Variants in DPF2 observed in about 807,000 individuals in gnomAD.
DPF2 encodes the protein double PHD fingers 2, also known as zinc finger protein ubi-d4.
In DPF2, 10 loss-of-function variants were observed where a neutral mutation model predicts 59.6. The ratio of observed to expected loss-of-function variants is 0.17; its 90% CI spans 0.10 to 0.28. The LOEUF is 0.28. Among genes scored for constraint, DPF2 ranks in the 10% least tolerant of loss-of-function variants. The pLI is 1.00. For missense variants in DPF2, 315 were observed against 509.4 expected (o/e 0.62, Z 3.67); for synonymous variants, 189 against 190.6 (o/e 0.99, Z 0.07).
In DPF2 at chr11:65,352,507, G is replaced by T. The variant is rs1029479801; in HGVS notation, c.*748G>T. On this transcript the variant is annotated 3_prime_UTR_variant, in exon 11 of 11. Transcript: ENST00000528416. ...CTTCCTACTCCTTTTGGTTTTGTGG[G>T]GAGAGGGGAAGGATCAGGGGGCCAG... 1 of 152,626 alleles carries T rather than the reference G, an allele frequency of 6.6e-6. No homozygotes were observed. The highest frequency in any genetic ancestry group is 1.5e-5 in the Non-Finnish European group (1 of 68,104). 9.5% of individuals were successfully genotyped at this position (152,626 alleles called of 1,614,324 possible). A position where few individuals can be genotyped will look rare whatever the true frequency, so the allele number is the denominator to read the frequency against.
At position 65,340,432 on chromosome 11, in the gene DPF2, A is replaced by G; in HGVS notation, c.80A>G (p.Tyr27Cys). Residue 27 changes from tyrosine to cysteine, a missense_variant, in exon 2 of 11, where the codon TAC becomes TGC. Around this residue, in one of 4 missense-constraint regions of DPF2, gnomAD observed 228 missense variants for 275.3 expected, o/e 0.83. Coordinates refer to ENST00000528416, the MANE Select transcript of DPF2 (RefSeq NM_006268.5). ...GATGCCATGGAGCAGTGCCACAATT[A>G]CAATGCTCGCCTCTGTGCTGAGCGC... Reference protein sequence around the residue: ...YKDAMEQCHNYNARLCAERSV... With the variant: ...YKDAMEQCHNCNARLCAERSV... The G allele has an allele frequency of 6.2e-7, 1 of 1,614,266 alleles. No individual in the cohort carries two copies.
At chr11:65,337,500 T>TAGAGAGAG (rs1483370415) in intron 1 of DPF2, among the ~76,000 whole-genome samples, 14 of 40,276 alleles carry the variant, frequency 3.5e-4, no homozygotes, top group African/African-American at 4.1e-4. Context: ...TATATATATA[T>TAGAGAGAG]ATATAGAGAG....
chr11:65,350,447 T>A (rs903369146), intron 10 of DPF2, among the ~76,000 whole-genome samples: 6 of 148,554 alleles, frequency 4.0e-5, no homozygotes, highest in Non-Finnish European at 7.4e-5. Flanking sequence ...TGATCTCAGC[T>A]CACTGCAACC....
rs1432426306 is a variant in DPF2 at position 65,353,235 on chromosome 11, T to C, written c.*1476T>C. The C allele has an allele frequency of 3.3e-5, 5 of 152,206 alleles. No individual in the cohort carries two copies. In the East Asian group the frequency reaches 7.7e-4, roughly 23 times the overall value. The allele number at this position is 152,206 out of a possible 1,614,324, so 9.4% of individuals were successfully genotyped here. On this transcript the variant is annotated 3_prime_UTR_variant, in exon 11 of 11. Coordinates refer to ENST00000528416, the MANE Select transcript of DPF2 (RefSeq NM_006268.5). The stretch of plus-strand genomic sequence containing the variant: ...GAAGCTGTTTTGATCAATACAAAAT[T>C]TGGGTTAAAATCAACTTTAACATCT...
At chr11:65,339,010 G>T (rs1461552020) in intron 1 of DPF2, among the ~76,000 whole-genome samples, 1 of 152,142 alleles carries the variant, frequency 6.6e-6, no homozygotes, top group Non-Finnish European at 1.5e-5. Context: ...TGACTTGCAG[G>T]CAAGCCAGGT....
chr11:65,344,769 T>C, intron 6 of DPF2: 1 of 858,382 alleles, frequency 1.2e-6, no homozygotes, highest in Admixed American at 2.5e-5. Context: ...TCTGCTGTGC[T>C]CTACTCCTCA....
chr11:65,339,035 G>A (rs916417825), intron 1 of DPF2, among the ~76,000 whole-genome samples: 1 of 152,124 alleles, frequency 6.6e-6, no homozygotes, highest in African/African-American at 2.4e-5. Flanking sequence ...TTACTCTCAA[G>A]TCAAGTCTGA....
intron 1 of DPF2, among the ~76,000 whole-genome samples, chr11:65,336,749 A>G (rs1026387731): frequency 7.2e-6 from 1 of 139,314 alleles, no homozygotes; most frequent in African/African-American, 2.7e-5. Context: ...AGATCGCACC[A>G]CTGCACTCCA....
intron 1 of DPF2, among the ~76,000 whole-genome samples, chr11:65,334,579 C>T (rs888423252): frequency 2.0e-5 from 3 of 152,186 alleles, no homozygotes; most frequent in Non-Finnish European, 4.4e-5. Flanking sequence ...GACAGCTTAG[C>T]CTAAAGGGGC....
chr11:65,344,022 T>C lies in DPF2; in HGVS notation c.590T>C (p.Leu197Pro), dbSNP rs749572868. 6.2e-7 allele frequency: 1 copy of C among 1,614,212 alleles called. No homozygotes were observed. The highest frequency in any genetic ancestry group is 1.1e-5 in the South Asian group (1 of 91,084). ...GGTGTGGGCAGTGCCCGTAAGAAGCTGGATGCTTCCATCCTGGAGGACCGG... is the reference window on the plus strand; with the variant it reads ...GGTGTGGGCAGTGCCCGTAAGAAGCCGGATGCTTCCATCCTGGAGGACCGG... ...GKGVGSARKK[L>P]DASILEDRDK... The change falls in exon 6 of 11, where the codon CTG becomes CCG. Residue 197 changes from leucine (L) to proline (P), a missense_variant. Physicochemically the swap from Leu to Pro is moderately conservative, Grantham distance 98 (BLOSUM62 -3). Around this residue, in one of 4 missense-constraint regions of DPF2, gnomAD observed 228 missense variants for 275.3 expected, o/e 0.83. Transcript: ENST00000528416.
At chr11:65,337,543 A>AGGGG (rs1555029252) in intron 1 of DPF2, among the ~76,000 whole-genome samples, 5 of 137,518 alleles carry the variant, frequency 3.6e-5, no homozygotes, top group African/African-American at 1.4e-4. Context: ...AGAGAGAGAG[A>AGGGG]GAGAACAATG....
At chr11:65,349,589 A>G (rs897174647) in intron 10 of DPF2, among the ~76,000 whole-genome samples, 3 of 152,158 alleles carry the variant, frequency 2.0e-5, no homozygotes, top group Non-Finnish European at 4.4e-5. Context: ...AGGTCAGGAC[A>G]TGGAGACCAT....
intron 1 of DPF2, among the ~76,000 whole-genome samples, chr11:65,339,761 G>A (rs1854308731): frequency 6.6e-6 from 1 of 152,220 alleles, no homozygotes; most frequent in South Asian, 2.1e-4. Context: ...ACGCTTCTCA[G>A]CAGTGTACCT....
At chr11:65,334,829 G>A (rs759907005) in intron 1 of DPF2, among the ~76,000 whole-genome samples, 4 of 152,176 alleles carry the variant, frequency 2.6e-5, no homozygotes, top group Non-Finnish European at 4.4e-5. Flanking sequence ...TGGTGCAAGG[G>A]TGGGAAAATT....
At chr11:65,336,442 A>T (rs913260843) in intron 1 of DPF2, among the ~76,000 whole-genome samples, 11 of 151,958 alleles carry the variant, frequency 7.2e-5, no homozygotes, top group Non-Finnish European at 1.2e-4. Flanking sequence ...AAGTGAGCTG[A>T]TATCACACCA....
chr11:65,340,579 GA>G, intron 2 of DPF2, 34 bp downstream of exon 2: 1 of 1,610,264 alleles, frequency 6.2e-7, no homozygotes, highest in African/African-American at 1.3e-5. Context: ...GGGGACTCAG[GA>G]GCATAAGGAG....
Position 65,353,732 on chromosome 11 carries a change from G to T in DPF2, c.*1973G>T, listed in dbSNP as rs658794. On this transcript the variant is annotated 3_prime_UTR_variant, in exon 11 of 11. Coordinates refer to ENST00000528416, the MANE Select transcript of DPF2 (RefSeq NM_006268.5). ...AGTATCCTTTTTTCTAGAACATTCT[G>T]AAAGTCATCCTTGCCTATGGGAAGC... Among the ~76,000 whole-genome samples, 8,865 of 152,270 alleles carry T rather than the reference G, an allele frequency of 0.058. 434 individuals are homozygous for T. The highest frequency in any genetic ancestry group is 0.088 in the Middle Eastern group (26 of 294).
At chr11:65,334,049 G>A (rs923014346) in intron 1 of DPF2, 131 bp downstream of exon 1, 12 of 1,326,520 alleles carry the variant, frequency 9.0e-6, no homozygotes, top group Non-Finnish European at 1.3e-5. Flanking sequence ...CTCCTGGTGG[G>A]GAGGGCAACA....
In DPF2 at chr11:65,345,654, C is replaced by T. The variant is rs191368000; in HGVS notation, c.638-12C>T. The T allele has an allele frequency of 6.2e-7, 1 of 1,614,046 alleles. No individual in the cohort carries two copies. The highest frequency in any genetic ancestry group is 8.5e-7 in the Non-Finnish European group (1 of 1,180,016). On this transcript the variant is annotated splice_polypyrimidine_tract_variant and intron_variant, in intron 6 of 10. Transcript: ENST00000528416. ...TCCTAACACCTTTCTCTGCAATCTTCTTCCCACTCAGTTTGTGGAAAACGT... is the reference window on the plus strand; with the variant it reads ...TCCTAACACCTTTCTCTGCAATCTTTTTCCCACTCAGTTTGTGGAAAACGT...
Sources: allele counts gnomAD v4.1 joint callset (sites outside exome capture counted in the v4.1 genomes callset), GRCh38; gene constraint gnomAD v4.1.1; regional missense constraint gnomAD v4.1.1; transcripts MANE v1.5; gene names NCBI Gene and HGNC (gene_info 2026-07-23, HGNC 2026-07-21).